Variants in TXNL1 observed in about 807,000 individuals in gnomAD.
TXNL1 encodes thioredoxin-like protein 1.
In TXNL1, 14 loss-of-function variants were observed where a neutral mutation model predicts 35.5. The ratio of observed to expected loss-of-function variants is 0.39; its 90% CI spans 0.26 to 0.62. TXNL1 has a LOEUF of 0.62. TXNL1 is among the 20% of genes least tolerant of loss of function. TXNL1 has a pLI of 0.47. For synonymous variants in TXNL1, 110 were observed against 115.5 expected (o/e 0.95, Z 0.31); for missense variants, 263 against 349.7 (o/e 0.75, Z 1.98).
At chr18:56,612,882 T>C (rs2024021044) in intron 6 of TXNL1, among the ~76,000 whole-genome samples, 3 of 152,186 alleles carry the variant, frequency 2.0e-5, no homozygotes, top group South Asian at 4.1e-4. Flanking sequence ...ATAATTTTTT[T>C]TTTTTTGTCA....
chr18:56,617,255 T>C (rs927948198), intron 4 of TXNL1, among the ~76,000 whole-genome samples: 1 of 152,144 alleles, frequency 6.6e-6, no homozygotes, highest in Admixed American at 6.5e-5. Flanking sequence ...TGACCCATAA[T>C]AGTGTATCAA....
Position 56,625,808 on chromosome 18 carries a change from A to G in TXNL1, c.195+553T>C, listed in dbSNP as rs894882819. 5.9e-5 allele frequency among the ~76,000 whole-genome samples: 9 copies of G among 151,502 alleles called. No homozygotes were observed. In the South Asian group the frequency reaches 8.3e-4, roughly 14 times the overall value. On this transcript the variant is annotated intron_variant, in intron 2 of 7. Transcript: ENST00000217515. ...TTTTAGTATTGGAAGGAGCTTTCCAATTTTTTTTTCCCTTAACAATTCCCC... is the reference window on the plus strand; with the variant it reads ...TTTTAGTATTGGAAGGAGCTTTCCAGTTTTTTTTTCCCTTAACAATTCCCC...
At chr18:56,607,837 CAA>C (rs904010068) in intron 7 of TXNL1, among the ~76,000 whole-genome samples, 4 of 152,112 alleles carry the variant, frequency 2.6e-5, no homozygotes, top group Non-Finnish European at 2.9e-5. Flanking sequence ...GCCTGGGTGA[CAA>C]GAGTGAAACT....
At chr18:56,609,754 C>T (rs533183336) in intron 7 of TXNL1, 2 of 152,276 alleles carry the variant, frequency 1.3e-5, no homozygotes, top group East Asian at 3.9e-4. Flanking sequence ...TATTTCATAT[C>T]GTAAAAATGT....
rs1191035292 is a variant in TXNL1 at position 56,600,102 on chromosome 18, AG to A, written c.*2924del. The A allele has an allele frequency of 2.0e-5, 3 of 152,228 alleles. No homozygotes were observed. Among genetic ancestry groups the A allele is most frequent in the Admixed American group, 2.0e-4 (3 of 15,288 alleles). 9.4% of individuals were successfully genotyped at this position (152,228 alleles called of 1,614,324 possible). A position where few individuals can be genotyped will look rare whatever the true frequency, so the allele number is the denominator to read the frequency against. Reference sequence around the variant, plus strand: ...AGAATCAAAGCTTTTAGACATTAAGAGGAACAAGGGAGGATCTGAACTATTT... The same window carrying A: ...AGAATCAAAGCTTTTAGACATTAAGAGAACAAGGGAGGATCTGAACTATTT... On this transcript the variant is annotated 3_prime_UTR_variant, in exon 8 of 8. Transcript: ENST00000217515.
chr18:56,611,128 C>T, intron 6 of TXNL1, 31 bp from the exon 7 acceptor site: 1 of 1,374,848 alleles, frequency 7.3e-7, no homozygotes, highest in East Asian at 2.3e-5. Context: ...TTTATAATTA[C>T]AATCCTTCTT....
chr18:56,635,045 T>C (rs564589721), intron 1 of TXNL1, among the ~76,000 whole-genome samples: 1 of 152,250 alleles, frequency 6.6e-6, no homozygotes, highest in East Asian at 1.9e-4. Flanking sequence ...GAGGGTCGCT[T>C]GAAGCCAGGA....
chr18:56,627,608 T>C (rs1486194847), intron 1 of TXNL1, among the ~76,000 whole-genome samples: 2 of 152,186 alleles, frequency 1.3e-5, no homozygotes, highest in South Asian at 2.1e-4. Flanking sequence ...TACTCTGATG[T>C]CTGAAAAACT....
chr18:56,630,472 T>C (rs1326924962), intron 1 of TXNL1, among the ~76,000 whole-genome samples: 1 of 152,200 alleles, frequency 6.6e-6, no homozygotes, highest in East Asian at 1.9e-4. Flanking sequence ...TTTAACTTCA[T>C]TAACTTTCTT....
chr18:56,614,514 A>G lies in TXNL1; in HGVS notation c.645T>C (p.Thr215=). ...CATCCTCTGTCAGTTCCAGAGCTTG[A>G]GTTGGTTCACTTCTTTCTGCCTCTT... The part of the protein sequence containing the change: ...DFEEAERSEP[T]QALELTEDDI... The change falls in exon 6 of 8, where the codon ACT becomes ACC. Residue 215 remains threonine, a synonymous_variant. Transcript: ENST00000217515. The G allele has an allele frequency of 6.2e-7, 1 of 1,613,974 alleles. No individual in the cohort carries two copies. Among genetic ancestry groups the G allele is most frequent in the Non-Finnish European group, 8.5e-7 (1 of 1,179,964 alleles).
rs1042438387 is a variant in TXNL1 at position 56,601,379 on chromosome 18, A to G, written c.*1648T>C. 6.6e-6 allele frequency: 1 copy of G among 152,220 alleles called. No homozygotes were observed. The highest frequency in any genetic ancestry group is 2.4e-5 in the African/African-American group (1 of 41,462). The allele number at this position is 152,220 out of a possible 1,614,324, so 9.4% of individuals were successfully genotyped here. A position where few individuals can be genotyped will look rare whatever the true frequency, so the allele number is the denominator to read the frequency against. ...ACGAAATTTGTTTCACTGGGTTTTC[A>G]AACTATCAAGTATAAATAGGAAAAG... On this transcript the variant is annotated 3_prime_UTR_variant, in exon 8 of 8. Coordinates refer to ENST00000217515, the MANE Select transcript of TXNL1 (RefSeq NM_004786.3).
At position 56,601,661 on chromosome 18, in the gene TXNL1, T is replaced by A. The variant is rs2144269081; in HGVS notation, c.*1366A>T. 6.6e-6 allele frequency: 1 copy of A among 152,254 alleles called. No individual in the cohort carries two copies. The highest frequency in any genetic ancestry group is 2.1e-4 in the South Asian group (1 of 4,828). The allele number at this position is 152,254 out of a possible 1,614,324, so 9.4% of individuals were successfully genotyped here. Reference sequence around the variant, plus strand: ...CTAAAACTTCTGTAGAATTTTTTCATAAACAAGTATAAACACACTGCTCTC... The same window carrying A: ...CTAAAACTTCTGTAGAATTTTTTCAAAAACAAGTATAAACACACTGCTCTC... On this transcript the variant is annotated 3_prime_UTR_variant, in exon 8 of 8. Coordinates refer to ENST00000217515, the MANE Select transcript of TXNL1 (RefSeq NM_004786.3).
In TXNL1 at chr18:56,638,012, C is replaced by A. The variant is rs2024484028; in HGVS notation, c.98+331G>T. On this transcript the variant is annotated intron_variant, in intron 1 of 7. Transcript: ENST00000217515. The stretch of plus-strand genomic sequence containing the variant: ...GCAGAAAGAAGGGGTCAGGCTCAGG[C>A]AAGGGTGGCTGCGGAGACTCCCACA... Among the ~76,000 whole-genome samples, 2 of 152,284 alleles carry A rather than the reference C, an allele frequency of 1.3e-5. 1 individual carries two copies. The highest frequency in any genetic ancestry group is 4.1e-4 in the South Asian group (2 of 4,824).
intron 6 of TXNL1, 37 bp downstream of exon 6, chr18:56,614,387 A>C: frequency 6.4e-7 from 1 of 1,574,654 alleles, no homozygotes; most frequent in Non-Finnish European, 8.7e-7. Context: ...TGTTACTCAC[A>C]AACCTATTAA....
chr18:56,612,184 G>A (rs113134343), intron 6 of TXNL1, among the ~76,000 whole-genome samples: 1,994 of 151,852 alleles, frequency 0.013, 40 homozygotes, highest in African/African-American at 0.046. Context: ...TCTTTATAGA[G>A]AATGTTGAAA....
At chr18:56,615,095 T>C (rs994440573) in intron 5 of TXNL1, among the ~76,000 whole-genome samples, 7 of 152,180 alleles carry the variant, frequency 4.6e-5, no homozygotes, top group African/African-American at 1.7e-4. Context: ...AGAAAATTAA[T>C]AAAAATTGCC....
At chr18:56,619,892 T>A (rs979181232) in intron 3 of TXNL1, among the ~76,000 whole-genome samples, 1 of 152,206 alleles carries the variant, frequency 6.6e-6, no homozygotes, top group Non-Finnish European at 1.5e-5. Flanking sequence ...TCCTTAGGTC[T>A]ATTAATGTGA....
rs1229690359 is a variant in TXNL1, at chr18:56,600,426, G to A, written c.*2601C>T. 1.4e-5 allele frequency: 2 copies of A among 146,834 alleles called. No individual in the cohort carries two copies. Among genetic ancestry groups the A allele is most frequent in the African/African-American group, 2.5e-5 (1 of 40,070 alleles). 9.1% of individuals were successfully genotyped at this position (146,834 alleles called of 1,614,324 possible). A position where few individuals can be genotyped will look rare whatever the true frequency, so the allele number is the denominator to read the frequency against. ...GGCAGGTTTCAACTCTAATTGTTAC[G>A]TGGCTGCCTCCAACAGAATATTGAG... On this transcript the variant is annotated 3_prime_UTR_variant, in exon 8 of 8. Coordinates refer to ENST00000217515, the MANE Select transcript of TXNL1 (RefSeq NM_004786.3).
intron 1 of TXNL1, among the ~76,000 whole-genome samples, chr18:56,630,808 C>G (rs1220906332): frequency 1.3e-5 from 2 of 152,142 alleles, no homozygotes; most frequent in Non-Finnish European, 2.9e-5. Context: ...AGCAGAGAAG[C>G]ATAAATATAT....
Sources: allele counts gnomAD v4.1 joint callset (sites outside exome capture counted in the v4.1 genomes callset), GRCh38; gene constraint gnomAD v4.1.1; transcripts MANE v1.5; gene names NCBI Gene and HGNC (gene_info 2026-07-23, HGNC 2026-07-21).